NANOS3: variants seen among roughly 807,000 people sequenced by gnomAD.
The protein encoded by NANOS3 is nanos C2HC-type zinc finger 3, also known as nanos homolog 3.
Under a neutral mutation model 13.8 loss-of-function variants are expected in NANOS3, and 11 were observed. The ratio of observed to expected loss-of-function variants is 0.80; its 90% CI spans 0.50 to 1.32. The LOEUF (loss-of-function observed/expected upper bound fraction) is 1.32, where lower values mean the gene tolerates loss of function less well. Ranked by LOEUF, NANOS3 falls within the 40% of genes most tolerant of loss-of-function variation. The probability of loss-of-function intolerance (pLI) is 0.00; values close to 1 mark genes in which losing one functional copy is unlikely to be tolerated. For synonymous variants in NANOS3, 119 were observed against 115.4 expected (o/e 1.03, Z -0.20); for missense variants, 221 against 263.8 (o/e 0.84, Z 1.12).
At chr19:13,865,795 G>T (rs1488850885) in intron 1 of NANOS3, among the ~76,000 whole-genome samples, 1 of 150,790 alleles carries the variant, frequency 6.6e-6, no homozygotes, top group African/African-American at 2.4e-5. Flanking sequence ...CGTGGGGACA[G>T]CGGCGCCCCG....
At chr19:13,870,620 T>C (rs982622536) in intron 1 of NANOS3, among the ~76,000 whole-genome samples, 13 of 133,924 alleles carry the variant, frequency 9.7e-5, no homozygotes, top group Admixed American at 4.4e-4. Flanking sequence ...CAGGCTGGAG[T>C]GCAGTGGCTC....
At chr19:13,865,774 G>A (rs1976227524) in intron 1 of NANOS3, among the ~76,000 whole-genome samples, 1 of 150,752 alleles carries the variant, frequency 6.6e-6, no homozygotes, top group Non-Finnish European at 1.5e-5. Context: ...GCGGGGACGC[G>A]CGATGGGGGG....
chr19:13,876,958 C>A (rs1271962524), upstream of NANOS3, among the ~76,000 whole-genome samples: 1 of 152,142 alleles, frequency 6.6e-6, no homozygotes, highest in Non-Finnish European at 1.5e-5. Flanking sequence ...AGGATGCCCC[C>A]CCACACACCC....
At position 13,877,744 on chromosome 19, in the gene NANOS3, C is replaced by G; in HGVS notation, c.496C>G (p.Arg166Gly). 1 of 1,577,310 alleles carries G rather than the reference C, an allele frequency of 6.3e-7. No individual in the cohort carries two copies. Among genetic ancestry groups the G allele is most frequent in the Non-Finnish European group, 8.6e-7 (1 of 1,164,098 alleles). Reference protein sequence around the residue: ...KAKTQDTGHRRGGGGGAGFRG... With the variant: ...KAKTQDTGHRGGGGGGAGFRG... ...GAAGACACAGGACACAGGCCACCGC[C>G]GAGGAGGAGGAGGAGGAGCAGGTGC... The change falls in exon 1 of 2, where the codon CGA (arginine) becomes GGA (glycine). Residue 166 changes from arginine (R) to glycine (G), a missense_variant. Coordinates refer to ENST00000339133, the MANE Select transcript of NANOS3 (RefSeq NM_001098622.3).
Position 13,877,468 on chromosome 19 carries a change from G to C in NANOS3, c.220G>C (p.Glu74Gln), listed in dbSNP as rs202144396. The change falls in exon 1 of 2, where the codon GAA (glutamate) becomes CAA (glutamine). Residue 74 changes from glutamate to glutamine, a missense_variant. By Grantham distance (29) the Glu-to-Gln change is conservative. This residue lies in a region of NANOS3 where 112 missense variants were observed against 116.3 expected (regional missense o/e 0.96). Transcript: ENST00000339133. ...KRSLESSPAP[E>Q]RLCSFCKHNG... ...CAGCCTGGAGTCCTCGCCAGCTCCC[G>C]AACGCCTGTGCTCTTTCTGCAAACA... 8.1e-6 allele frequency: 13 copies of C among 1,611,368 alleles called. No homozygotes were observed. Among genetic ancestry groups the C allele is most frequent in the Non-Finnish European group, 1.1e-5 (13 of 1,179,992 alleles).
intron 1 of NANOS3, among the ~76,000 whole-genome samples, chr19:13,868,387 T>G (rs61197683): frequency 6.6e-6 from 1 of 151,936 alleles, no homozygotes; most frequent in Non-Finnish European, 1.5e-5. Flanking sequence ...GCATCTGTTA[T>G]GTACCCAGCA....
At chr19:13,880,182 C>A (rs1034826023) in intron 1 of NANOS3, among the ~76,000 whole-genome samples, 1 of 152,202 alleles carries the variant, frequency 6.6e-6, no homozygotes, top group South Asian at 2.1e-4. Context: ...TTGGGAGTAA[C>A]AGATCCGGGG....
At chr19:13,866,277 G>A (rs951046921) in intron 1 of NANOS3, among the ~76,000 whole-genome samples, 4 of 152,074 alleles carry the variant, frequency 2.6e-5, no homozygotes, top group African/African-American at 9.7e-5. Flanking sequence ...GGGGTGGGGG[G>A]GTGGAAAAGA....
chr19:13,876,221 C>T (rs749179624), upstream of NANOS3, among the ~76,000 whole-genome samples: 1 of 152,188 alleles, frequency 6.6e-6, no homozygotes, highest in Non-Finnish European at 1.5e-5. Context: ...TCACCGCAAC[C>T]TCTGCCTCCT....
intron 1 of NANOS3, among the ~76,000 whole-genome samples, chr19:13,869,834 C>CAT (rs1481453455): frequency 6.6e-6 from 1 of 151,768 alleles, no homozygotes; most frequent in Non-Finnish European, 1.5e-5. Flanking sequence ...CACACAGGAG[C>CAT]ATATATATAG....
At chr19:13,880,106 A>T (rs1651224599) in intron 1 of NANOS3, among the ~76,000 whole-genome samples, 1 of 152,170 alleles carries the variant, frequency 6.6e-6, no homozygotes, top group African/African-American at 2.4e-5. Flanking sequence ...TCACTGGGAG[A>T]CGCTGGAGGC....
At chr19:13,879,064 C>T (rs911518947) in intron 1 of NANOS3, among the ~76,000 whole-genome samples, 9 of 152,090 alleles carry the variant, frequency 5.9e-5, no homozygotes, top group East Asian at 1.9e-4. Flanking sequence ...CTCAGCCTCC[C>T]GAGTAGCTGG....
chr19:13,862,540 CTTT>C (rs1261042407), upstream of NANOS3, among the ~76,000 whole-genome samples: 1 of 150,494 alleles, frequency 6.6e-6, no homozygotes, highest in African/African-American at 2.4e-5. Context: ...TTTTTTTTTT[CTTT>C]TTTCTTTTTT....
chr19:13,866,991 C>T (rs1976251838), intron 1 of NANOS3, among the ~76,000 whole-genome samples: 1 of 152,162 alleles, frequency 6.6e-6, no homozygotes, highest in Non-Finnish European at 1.5e-5. Context: ...GAGATGGAGT[C>T]TCTCTTGGCT....
At chr19:13,880,195 C>T (rs1435384818) in intron 1 of NANOS3, among the ~76,000 whole-genome samples, 1 of 152,146 alleles carries the variant, frequency 6.6e-6, no homozygotes, top group Non-Finnish European at 1.5e-5. Flanking sequence ...ATCCGGGGAC[C>T]CCAGAGCACG....
At chr19:13,876,853 T>G (rs1188340785), upstream of NANOS3, among the ~76,000 whole-genome samples, 1 of 152,156 alleles carries the variant, frequency 6.6e-6, no homozygotes, top group East Asian at 1.9e-4. Flanking sequence ...CATCCTCCAG[T>G]GGGGCTGGAG....
upstream of NANOS3, among the ~76,000 whole-genome samples, chr19:13,863,414 C>T (rs986877567): frequency 3.9e-5 from 6 of 152,046 alleles, no homozygotes; most frequent in Non-Finnish European, 5.9e-5. Context: ...GACAGTGTCT[C>T]GCTGTGTTGC....
At chr19:13,872,222 G>A (rs950627217), upstream of NANOS3, among the ~76,000 whole-genome samples, 1 of 151,696 alleles carries the variant, frequency 6.6e-6, no homozygotes. Flanking sequence ...GCAGGTGCCT[G>A]TAGTCCCAGC....
chr19:13,874,506 C>T (rs911548814), upstream of NANOS3, among the ~76,000 whole-genome samples: 3 of 152,212 alleles, frequency 2.0e-5, no homozygotes, highest in Non-Finnish European at 4.4e-5. Context: ...ACATCTCCAT[C>T]CCCATAGCAA....
Sources: allele counts gnomAD v4.1 joint callset (sites outside exome capture counted in the v4.1 genomes callset), GRCh38; gene constraint gnomAD v4.1.1; regional missense constraint gnomAD v4.1.1; transcripts MANE v1.5; gene names NCBI Gene and HGNC (gene_info 2026-07-23, HGNC 2026-07-21).